Variants in KLHDC7A observed in about 807,000 individuals in gnomAD.
The protein encoded by KLHDC7A is kelch domain containing 7A, also known as kelch domain-containing protein 7A.
For missense variants in KLHDC7A, 1,123 were observed against 1,052.6 expected (o/e 1.07, Z -0.93); for synonymous variants, 464 against 461.0 (o/e 1.01, Z -0.08).
At position 18,481,098 on chromosome 1, in the gene KLHDC7A, G is replaced by A. The variant is rs368092981; in HGVS notation, c.117G>A (p.Lys39=). ...TGACTGTGGCCTACAGGCTGTACAAGTCGAGGCCTGCCCCAGCCCAGCGGT... is the reference window on the plus strand; with the variant it reads ...TGACTGTGGCCTACAGGCTGTACAAATCGAGGCCTGCCCCAGCCCAGCGGT... ...LLVTVAYRLY[K]SRPAPAQRWG... The change falls in exon 1 of 1, where the codon AAG becomes AAA. Residue 39 remains lysine, a synonymous_variant. Coordinates refer to ENST00000400664, the MANE Select transcript of KLHDC7A (RefSeq NM_152375.3). The A allele has an allele frequency of 9.6e-5, 155 of 1,613,750 alleles. 1 individual carries two copies. The highest frequency in any genetic ancestry group is 6.7e-4 in the Middle Eastern group (4 of 6,010).
In KLHDC7A at chr1:18,482,972, G is replaced by A. The variant is rs1400494345; in HGVS notation, c.1991G>A (p.Gly664Asp). The change falls in exon 1 of 1, where the codon GGC becomes GAC. Residue 664 changes from glycine (G) to aspartate (D), a missense_variant. Physicochemically the swap from Gly to Asp is moderately conservative, Grantham distance 94 (BLOSUM62 -1). Transcript: ENST00000400664. ...EQRWWAGPTG[G>D]SKDRTAEMVA... ...CGCTGGTGGGCCGGCCCCACCGGGGGCAGCAAGGACCGCACGGCCGAGATG... is the reference window on the plus strand; with the variant it reads ...CGCTGGTGGGCCGGCCCCACCGGGGACAGCAAGGACCGCACGGCCGAGATG... The A allele has an allele frequency of 1.2e-6, 2 of 1,612,792 alleles. No homozygotes were observed. The highest frequency in any genetic ancestry group is 1.1e-5 in the South Asian group (1 of 91,062).
In KLHDC7A at chr1:18,482,459, AC is replaced by A; in HGVS notation, c.1480del (p.Leu494TrpfsTer82). 3 of 1,611,056 alleles carry A rather than the reference AC, an allele frequency of 1.9e-6. No individual in the cohort carries two copies. The highest frequency in any genetic ancestry group is 2.5e-6 in the Non-Finnish European group (3 of 1,179,850). On this transcript the variant is annotated frameshift_variant, in exon 1 of 1. Transcript: ENST00000400664. LOFTEE classifies it low-confidence loss of function (END_TRUNC). ...ILQRRLRGRQYLVVADVCPKE... is the reference protein window; with the variant it reads ...ILQRRLRGRQXLVVADVCPKE... The stretch of plus-strand genomic sequence containing the variant: ...CAGCGCCGGCTCCGGGGCCGCCAGT[AC>A]CTGGTGGTGGCTGACGTGTGCCCCA...
rs1041913763 is a variant in KLHDC7A at position 18,482,729 on chromosome 1, G to C, written c.1748G>C (p.Arg583Pro). 6.2e-7 allele frequency: 1 copy of C among 1,610,420 alleles called. No individual in the cohort carries two copies. The highest frequency in any genetic ancestry group is 8.5e-7 in the Non-Finnish European group (1 of 1,179,248). The change falls in exon 1 of 1, where the codon CGG becomes CCG. Residue 583 changes from arginine to proline, a missense_variant. Transcript: ENST00000400664. ...CPLNQARPHC[R>P]LVALDGHLYA... ...CTGAACCAGGCCCGGCCGCACTGCCGGCTGGTGGCCCTGGACGGGCACCTG... is the reference window on the plus strand; with the variant it reads ...CTGAACCAGGCCCGGCCGCACTGCCCGCTGGTGGCCCTGGACGGGCACCTG...
rs377468845 is a variant in KLHDC7A, at chr1:18,481,578, G to A, written c.597G>A (p.Leu199=). 25 of 1,613,520 alleles carry A rather than the reference G, an allele frequency of 1.5e-5. No individual in the cohort carries two copies. The highest frequency in any genetic ancestry group is 2.1e-5 in the Non-Finnish European group (25 of 1,179,974). The part of the protein sequence containing the change: ...QDSKPREHPG[L]GQLEPPHCHY... Reference sequence around the variant, plus strand: ...GTAAACCCCGTGAGCATCCAGGACTGGGGCAACTAGAACCTCCCCACTGTC... The same window carrying A: ...GTAAACCCCGTGAGCATCCAGGACTAGGGCAACTAGAACCTCCCCACTGTC... Residue 199 remains leucine (L), a synonymous_variant, in exon 1 of 1, where the codon CTG becomes CTA. Coordinates refer to ENST00000400664, the MANE Select transcript of KLHDC7A (RefSeq NM_152375.3).
chr1:18,484,430 T>C lies in KLHDC7A; in HGVS notation c.*1115T>C. On this transcript the variant is annotated 3_prime_UTR_variant, in exon 1 of 1. Transcript: ENST00000400664. ...CGGGAGAGAGCCTGACCCAGTGTAT[T>C]ACCACAGCCCTTGTTCCACCTCTGA... 4.8e-6 allele frequency: 1 copy of C among 208,724 alleles called. No individual in the cohort carries two copies. The highest frequency in any genetic ancestry group is 5.6e-5 in the Admixed American group (1 of 17,706). The allele number at this position is 208,724 out of a possible 1,614,324, so 12.9% of individuals were successfully genotyped here.
rs1428123043 is a variant in KLHDC7A, at chr1:18,481,698, C to T, written c.717C>T (p.Leu239=). Residue 239 remains leucine, a synonymous_variant, in exon 1 of 1, where the codon CTC becomes CTT. Coordinates refer to ENST00000400664, the MANE Select transcript of KLHDC7A (RefSeq NM_152375.3). The part of the protein sequence containing the change: ...IGVSREEAGA[L]EAASDVDLTL... Reference sequence around the variant, plus strand: ...TCAGCAGAGAAGAGGCTGGGGCTCTCGAGGCTGCCTCCGATGTTGACCTGA... The same window carrying T: ...TCAGCAGAGAAGAGGCTGGGGCTCTTGAGGCTGCCTCCGATGTTGACCTGA... 1 of 1,614,056 alleles carries T rather than the reference C, an allele frequency of 6.2e-7. No individual in the cohort carries two copies. The highest frequency in any genetic ancestry group is 8.5e-7 in the Non-Finnish European group (1 of 1,180,022).
Position 18,482,213 on chromosome 1 carries a change from C to T in KLHDC7A, c.1232C>T (p.Ala411Val). The T allele has an allele frequency of 6.2e-7, 1 of 1,609,932 alleles. No homozygotes were observed. The highest frequency in any genetic ancestry group is 8.5e-7 in the Non-Finnish European group (1 of 1,179,912). Residue 411 changes from alanine to valine, a missense_variant, in exon 1 of 1, where the codon GCC becomes GTC. By Grantham distance (64) the Ala-to-Val change is moderately conservative. Coordinates refer to ENST00000400664, the MANE Select transcript of KLHDC7A (RefSeq NM_152375.3). ...CGGGAGCCCCATGTGCAGCCGGTGG[C>T]CGGGACCAATTTCTTCCATATCCCG... ...SSREPHVQPVAGTNFFHIPLT... is the reference protein window; with the variant it reads ...SSREPHVQPVVGTNFFHIPLT...
Position 18,483,742 on chromosome 1 carries a change from G to A in KLHDC7A, c.*427G>A. On this transcript the variant is annotated 3_prime_UTR_variant, in exon 1 of 1. Coordinates refer to ENST00000400664, the MANE Select transcript of KLHDC7A (RefSeq NM_152375.3). ...GGGGTTGGCTCTCTGAGCCATCAGT[G>A]CCCCTTCCTAAACATCAGCCACTGG... is the stretch of plus-strand genomic sequence containing the variant. 2 of 1,199,196 alleles carry A rather than the reference G, an allele frequency of 1.7e-6. No individual in the cohort carries two copies. The highest frequency in any genetic ancestry group is 2.1e-6 in the Non-Finnish European group (2 of 941,092). The allele number at this position is 1,199,196 out of a possible 1,614,324, so 74.3% of individuals were successfully genotyped here.
At position 18,485,334 on chromosome 1, in the gene KLHDC7A, T is replaced by C. The variant is rs1037400523; in HGVS notation, c.*2019T>C. 6 of 166,318 alleles carry C rather than the reference T, an allele frequency of 3.6e-5. No individual in the cohort carries two copies. Among genetic ancestry groups the C allele is most frequent in the African/African-American group, 1.2e-4 (5 of 41,190 alleles). The allele number at this position is 166,318 out of a possible 1,614,324, so 10.3% of individuals were successfully genotyped here. A position where few individuals can be genotyped will look rare whatever the true frequency, so the allele number is the denominator to read the frequency against. ...CTCTGGAAAAACATTCCAAAGCCCA[T>C]TGCATACCTGTGGTAGAGACTAGGG... On this transcript the variant is annotated 3_prime_UTR_variant, in exon 1 of 1. Coordinates refer to ENST00000400664, the MANE Select transcript of KLHDC7A (RefSeq NM_152375.3).
Position 18,483,642 on chromosome 1 carries a change from G to T in KLHDC7A, c.*327G>T. The T allele has an allele frequency of 8.0e-7, 1 of 1,253,488 alleles. No individual in the cohort carries two copies. Among genetic ancestry groups the T allele is most frequent in the South Asian group, 1.8e-5 (1 of 56,986 alleles). The allele number at this position is 1,253,488 out of a possible 1,614,324, so 77.6% of individuals were successfully genotyped here. A position where few individuals can be genotyped will look rare whatever the true frequency, so the allele number is the denominator to read the frequency against. On this transcript the variant is annotated 3_prime_UTR_variant, in exon 1 of 1. Transcript: ENST00000400664. ...ACACCGGGACCCCACCAAAGCTTAG[G>T]GGGCATAGTCTTTTTGCAATCACAA...
chr1:18,484,115 G>A lies in KLHDC7A; in HGVS notation c.*800G>A. On this transcript the variant is annotated 3_prime_UTR_variant, in exon 1 of 1. Transcript: ENST00000400664. ...CACCCTGCTCCTCGGCCCTGCCCAT[G>A]TTAACTGACCATTGCACTCATTCTC... 9.6e-7 allele frequency: 1 copy of A among 1,042,778 alleles called. No individual in the cohort carries two copies. Among genetic ancestry groups the A allele is most frequent in the Non-Finnish European group, 1.3e-6 (1 of 750,800 alleles). The allele number at this position is 1,042,778 out of a possible 1,614,324, so 64.6% of individuals were successfully genotyped here.
rs1047821225 is a variant in KLHDC7A, at chr1:18,481,116, C to G, written c.135C>G (p.Ala45=). The G allele has an allele frequency of 6.8e-6, 11 of 1,613,784 alleles. No homozygotes were observed. The highest frequency in any genetic ancestry group is 9.3e-6 in the Non-Finnish European group (11 of 1,179,960). Reference sequence around the variant, plus strand: ...TGTACAAGTCGAGGCCTGCCCCAGCCCAGCGGTGGGGTGGGAATGGCCAGG... The same window carrying G: ...TGTACAAGTCGAGGCCTGCCCCAGCGCAGCGGTGGGGTGGGAATGGCCAGG... ...YRLYKSRPAP[A]QRWGGNGQAE... The change falls in exon 1 of 1, where the codon GCC becomes GCG. Residue 45 remains alanine, a synonymous_variant. Transcript: ENST00000400664.
In KLHDC7A at chr1:18,481,594, C is replaced by A; in HGVS notation, c.613C>A (p.Pro205Thr). Residue 205 changes from proline (P) to threonine (T), a missense_variant, in exon 1 of 1, where the codon CCC becomes ACC. Transcript: ENST00000400664. ...EHPGLGQLEPPHCHYVAPLQG... is the reference protein window; with the variant it reads ...EHPGLGQLEPTHCHYVAPLQG... The stretch of plus-strand genomic sequence containing the variant: ...TCCAGGACTGGGGCAACTAGAACCT[C>A]CCCACTGTCACTACGTGGCTCCCTT... 1 of 1,613,918 alleles carries A rather than the reference C, an allele frequency of 6.2e-7. No individual in the cohort carries two copies. Among genetic ancestry groups the A allele is most frequent in the Non-Finnish European group, 8.5e-7 (1 of 1,180,008 alleles).
chr1:18,482,525 A>G lies in KLHDC7A; in HGVS notation c.1544A>G (p.Gln515Arg), dbSNP rs144049927. Residue 515 changes from glutamine (Q) to arginine (R), a missense_variant, in exon 1 of 1, where the codon CAG (glutamine) becomes CGG (arginine). Physicochemically the swap from Gln to Arg is conservative, Grantham distance 43 (BLOSUM62 1). Coordinates refer to ENST00000400664, the MANE Select transcript of KLHDC7A (RefSeq NM_152375.3). ...GGCCTCTGTTGCTATGACGATGAGC[A>G]GGATGTCTGGCGCCCGCTGGCTCGC... ...SGGLCCYDDE[Q>R]DVWRPLARMP... 7.5e-4 allele frequency: 1,209 copies of G among 1,612,230 alleles called. 13 individuals are homozygous for G. In the African/African-American group the frequency reaches 0.014, roughly 18 times the overall value.
In KLHDC7A at chr1:18,485,841, T is replaced by C. The variant is rs1171234937; in HGVS notation, c.*2526T>C. Reference sequence around the variant, plus strand: ...GGAACCCGTAGCATCTTATTTGGAATTGACATTCTCTATTGTAATTTTGTT... The same window carrying C: ...GGAACCCGTAGCATCTTATTTGGAACTGACATTCTCTATTGTAATTTTGTT... On this transcript the variant is annotated 3_prime_UTR_variant, in exon 1 of 1. Coordinates refer to ENST00000400664, the MANE Select transcript of KLHDC7A (RefSeq NM_152375.3). 1.2e-5 allele frequency: 2 copies of C among 167,076 alleles called. No individual in the cohort carries two copies. The highest frequency in any genetic ancestry group is 2.9e-5 in the Non-Finnish European group (2 of 68,170). 10.3% of individuals were successfully genotyped at this position (167,076 alleles called of 1,614,324 possible).
Position 18,481,195 on chromosome 1 carries a change from T to TA in KLHDC7A, c.214_215insA (p.Ser72TyrfsTer19). The TA allele has an allele frequency of 6.3e-7, 1 of 1,593,448 alleles. No homozygotes were observed. The highest frequency in any genetic ancestry group is 8.6e-7 in the Non-Finnish European group (1 of 1,168,596). Reference sequence around the variant, plus strand: ...AGGGCAGCCTGCTGTACAGGAGGCTTCTCCTGGGGTGCTCCTGAGGGGGCC... The same window carrying TA: ...AGGGCAGCCTGCTGTACAGGAGGCTTACTCCTGGGGTGCTCCTGAGGGGGCC... On this transcript the variant is annotated frameshift_variant, in exon 1 of 1. Transcript: ENST00000400664. LOFTEE classifies it low-confidence loss of function (END_TRUNC).
chr1:18,481,027 C>T lies in KLHDC7A; in HGVS notation c.46C>T (p.Gln16Ter), dbSNP rs140809384. The change falls in exon 1 of 1, where the codon CAG becomes TAG. Residue 16 changes from glutamine to a stop codon, truncating the protein, a stop_gained. Transcript: ENST00000400664. LOFTEE classifies it low-confidence loss of function (END_TRUNC). ...AEAQDWHLDMQLTGKVVLSAA... is the reference protein window; with the variant it reads ...AEAQDWHLDM ...GGCCCAGGACTGGCATTTGGATATG[C>T]AGCTGACCGGCAAGGTGGTGCTGTC... The T allele has an allele frequency of 6.2e-7, 1 of 1,611,772 alleles. No individual in the cohort carries two copies. The highest frequency in any genetic ancestry group is 8.5e-7 in the Non-Finnish European group (1 of 1,178,810).
Position 18,481,952 on chromosome 1 carries a change from G to A in KLHDC7A, c.971G>A (p.Gly324Glu). ...TEVPSPRPPP[G>E]SLGTGAASGG... The stretch of plus-strand genomic sequence containing the variant: ...GTTCCATCCCCTAGGCCACCGCCAG[G>A]GTCCCTGGGAACAGGGGCTGCCTCG... The change falls in exon 1 of 1, where the codon GGG becomes GAG. Residue 324 changes from glycine (G) to glutamate (E), a missense_variant. Coordinates refer to ENST00000400664, the MANE Select transcript of KLHDC7A (RefSeq NM_152375.3). 2 of 1,613,210 alleles carry A rather than the reference G, an allele frequency of 1.2e-6. No individual in the cohort carries two copies. The highest frequency in any genetic ancestry group is 2.2e-5 in the East Asian group (1 of 44,874).
chr1:18,482,291 A>T lies in KLHDC7A; in HGVS notation c.1310A>T (p.Glu437Val). 2.5e-6 allele frequency: 4 copies of T among 1,602,844 alleles called. No homozygotes were observed. The highest frequency in any genetic ancestry group is 3.4e-6 in the Non-Finnish European group (4 of 1,179,940). Residue 437 changes from glutamate (E) to valine (V), a missense_variant, in exon 1 of 1, where the codon GAG becomes GTG. Physicochemically the swap from Glu to Val is moderately radical, Grantham distance 121 (BLOSUM62 -2). Transcript: ENST00000400664. ...QVRLDLGNCY[E>V]VLTLAKRQNL... ...CGCCTGGATCTGGGCAATTGCTATG[A>T]GGTGCTGACCTTGGCCAAGAGGCAG...
Sources: allele counts gnomAD v4.1 joint callset, GRCh38; gene constraint gnomAD v4.1.1; transcripts MANE v1.5; gene names NCBI Gene and HGNC (gene_info 2026-07-23, HGNC 2026-07-21).